ICAM1: variants seen among roughly 807,000 people sequenced by gnomAD.
The protein encoded by ICAM1 is ICAM-1.
In ICAM1, 28 loss-of-function variants were observed where a neutral mutation model predicts 42.3. The observed-to-expected ratio is 0.66, with a 90% confidence interval of 0.49 to 0.91. The LOEUF is 0.91. Ranked by LOEUF, ICAM1 falls within the 40% of genes least tolerant of loss-of-function variation. ICAM1 has a pLI of 0.00. For missense variants in ICAM1, 637 were observed against 688.6 expected (o/e 0.93, Z 0.84); for synonymous variants, 304 against 305.9 (o/e 0.99, Z 0.07).
rs2040090093 is a variant in ICAM1, at chr19:10,284,790, C to G, written c.1188C>G (p.Pro396=). The part of the protein sequence containing the change: ...QTRELRVLYG[P]RLDERDCPGN... The stretch of plus-strand genomic sequence containing the variant: ...CTCATCGTGTTTTTCCAGATGGCCC[C>G]CGACTGGACGAGAGGGATTGTCCGG... The change falls in exon 6 of 7, where the codon CCC becomes CCG. Residue 396 remains proline, a synonymous_variant. Transcript: ENST00000264832. This position sits in a 1 kb window ranked among gnomAD's most constrained non-coding sequence, Gnocchi z 5.4. The G allele has an allele frequency of 1.9e-6, 3 of 1,605,990 alleles. No homozygotes were observed. Among genetic ancestry groups the G allele is most frequent in the Non-Finnish European group, 2.5e-6 (3 of 1,177,954 alleles).
intron 2 of ICAM1, among the ~76,000 whole-genome samples, chr19:10,277,184 T>G (rs570347096): frequency 6.6e-6 from 1 of 151,990 alleles, no homozygotes; most frequent in South Asian, 2.1e-4. Context: ...TTCTTTTTGT[T>G]TTTTCCTTTT....
At position 10,274,793 on chromosome 19, in the gene ICAM1, C is replaced by T; in HGVS notation, c.96C>T (p.Ser32=). ...PGPGNAQTSV[S]PSKVILPRGG... is the part of the protein sequence containing the mutation. The stretch of plus-strand genomic sequence containing the variant: ...CTGGCAATGCCCAGACATCTGTGTC[C>T]CCCTCAAAAGTCATCCTGCCCCGGG... Residue 32 remains serine (S), a synonymous_variant, in exon 2 of 7, where the codon TCC becomes TCT. Transcript: ENST00000264832. 6.2e-7 allele frequency: 1 copy of T among 1,614,040 alleles called. No individual in the cohort carries two copies. The highest frequency in any genetic ancestry group is 8.5e-7 in the Non-Finnish European group (1 of 1,179,950).
rs1217754543 is a variant in ICAM1, at chr19:10,283,524, G to A, written c.375G>A (p.Gln125=). The A allele has an allele frequency of 6.3e-7, 1 of 1,596,194 alleles. No homozygotes were observed. Among genetic ancestry groups the A allele is most frequent in the Non-Finnish European group, 8.6e-7 (1 of 1,168,894 alleles). The change falls in exon 3 of 7, where the codon CAG becomes CAA. Residue 125 remains glutamine (Q), a synonymous_variant. Transcript: ENST00000264832. ...AACTGGCACCCCTCCCCTCTTGGCAGCCAGTGGGCAAGAACCTTACCCTAC... is the reference window on the plus strand; with the variant it reads ...AACTGGCACCCCTCCCCTCTTGGCAACCAGTGGGCAAGAACCTTACCCTAC... ...RVELAPLPSW[Q]PVGKNLTLRC...
intron 6 of ICAM1, 29 bp downstream of exon 6, chr19:10,285,057 GGGGGCA>G: frequency 6.2e-7 from 1 of 1,613,180 alleles, no homozygotes; most frequent in Non-Finnish European, 8.5e-7. Context: ...AGAGCTGGGT[GGGGGCA>G]GGGGCCATGG....
chr19:10,275,240 G>T (rs868837411), intron 2 of ICAM1, among the ~76,000 whole-genome samples: 5 of 152,214 alleles, frequency 3.3e-5, no homozygotes, highest in Admixed American at 6.5e-5. Context: ...GGTGGCTCAT[G>T]CCTGTAATCC....
chr19:10,274,044 T>C (rs1203551788), intron 1 of ICAM1, among the ~76,000 whole-genome samples: 17 of 152,074 alleles, frequency 1.1e-4, no homozygotes, highest in Admixed American at 1.0e-3. Flanking sequence ...AACACATCTT[T>C]AGCATGGCCT....
chr19:10,280,434 T>C (rs1160933562), intron 2 of ICAM1, among the ~76,000 whole-genome samples: 2 of 151,982 alleles, frequency 1.3e-5, no homozygotes, highest in African/African-American at 4.8e-5. Flanking sequence ...AGTGCAGTGG[T>C]ACAATCGTAG....
At chr19:10,278,875 T>C (rs892021567) in intron 2 of ICAM1, among the ~76,000 whole-genome samples, 4 of 152,150 alleles carry the variant, frequency 2.6e-5, no homozygotes, top group Non-Finnish European at 5.9e-5. Flanking sequence ...AACTCCAGGT[T>C]TGAGACCTGG....
At chr19:10,283,074 T>G (rs1411254811) in intron 2 of ICAM1, 1 of 159,498 alleles carries the variant, frequency 6.3e-6, no homozygotes, top group Admixed American at 6.5e-5. Flanking sequence ...TGTGGTGGTG[T>G]GTGCCTGTAA....
intron 2 of ICAM1, among the ~76,000 whole-genome samples, chr19:10,280,046 A>G (rs1000903705): frequency 2.6e-5 from 4 of 152,148 alleles, no homozygotes; most frequent in South Asian, 2.1e-4. Context: ...GCAGTTGGCT[A>G]TGGTCCTTGT....
intron 2 of ICAM1, chr19:10,282,414 A>AT (rs1351675834): frequency 6.6e-6 from 1 of 151,872 alleles, no homozygotes; most frequent in Non-Finnish European, 1.5e-5. Flanking sequence ...TGCCAGACTA[A>AT]TTTTTGTATT....
At chr19:10,275,234 G>A (rs1211493907) in intron 2 of ICAM1, among the ~76,000 whole-genome samples, 5 of 152,228 alleles carry the variant, frequency 3.3e-5, no homozygotes, top group Non-Finnish European at 7.3e-5. Context: ...GGGTGCGGTG[G>A]CTCATGCCTG....
At chr19:10,281,791 G>T (rs1034055209) in intron 2 of ICAM1, among the ~76,000 whole-genome samples, 1 of 146,268 alleles carries the variant, frequency 6.8e-6, no homozygotes, top group Non-Finnish European at 1.5e-5. Flanking sequence ...GTACAGTGGC[G>T]CGATCTCAGT....
At chr19:10,281,625 C>T (rs1248394741) in intron 2 of ICAM1, among the ~76,000 whole-genome samples, 1 of 151,766 alleles carries the variant, frequency 6.6e-6, no homozygotes, top group African/African-American at 2.4e-5. Context: ...CCCTATTTTA[C>T]AGTTCAGGAA....
At chr19:10,277,572 C>CT (rs1408585738) in intron 2 of ICAM1, among the ~76,000 whole-genome samples, 1 of 151,978 alleles carries the variant, frequency 6.6e-6, no homozygotes, top group Non-Finnish European at 1.5e-5. Flanking sequence ...ACTGCAACCT[C>CT]TCCCTCCCGG....
chr19:10,281,792 C>T lies in ICAM1; in HGVS notation c.332-1689C>T, dbSNP rs139245137. On this transcript the variant is annotated intron_variant, in intron 2 of 6. Coordinates refer to ENST00000264832, the MANE Select transcript of ICAM1 (RefSeq NM_000201.3). ...TCACTCAGTCTAGAGTACAGTGGCG[C>T]GATCTCAGTTCACTGCAATCTCTGC... Among the ~76,000 whole-genome samples the T allele has an allele frequency of 1.9e-4, 28 of 147,432 alleles. No individual in the cohort carries two copies. In the East Asian group the frequency reaches 5.2e-3, roughly 27 times the overall value.
intron 2 of ICAM1, among the ~76,000 whole-genome samples, chr19:10,280,976 C>T (rs1466984842): frequency 6.7e-6 from 1 of 150,096 alleles, no homozygotes; most frequent in African/African-American, 2.5e-5. Flanking sequence ...CGGGTTCACT[C>T]CATCCTCCTG....
chr19:10,281,744 C>A, intron 2 of ICAM1, among the ~76,000 whole-genome samples: 1 of 106,486 alleles, frequency 9.4e-6, no homozygotes, highest in Admixed American at 1.1e-4. Flanking sequence ...TTTTTTTTTC[C>A]TCTGAGAGAG....
rs1443983113 is a variant in ICAM1 at position 10,279,602 on chromosome 19, G to C, written c.332-3879G>C. 2.0e-5 allele frequency among the ~76,000 whole-genome samples: 3 copies of C among 151,992 alleles called. No homozygotes were observed. In the East Asian group the frequency reaches 5.8e-4, roughly 29 times the overall value. ...GGGTTCAACCGATTCTGCTGCCTGAGCCTCCCGAGTTGCTGGGATTAAGGT... is the reference window on the plus strand; with the variant it reads ...GGGTTCAACCGATTCTGCTGCCTGACCCTCCCGAGTTGCTGGGATTAAGGT... On this transcript the variant is annotated intron_variant, in intron 2 of 6. Transcript: ENST00000264832.
Sources: gnomAD v4.1 joint callset for allele counts (sites outside exome capture counted in the v4.1 genomes callset) on GRCh38, gnomAD v4.1.1 for gene constraint, Gnocchi (gnomAD v3.1) non-coding constraint, MANE v1.5 for transcripts, NCBI Gene and HGNC (gene_info 2026-07-23, HGNC 2026-07-21) for gene names.